ANO5: variants seen among roughly 807,000 people sequenced by gnomAD.
ANO5 encodes the protein anoctamin 5, also known as anoctamin-5.
Under a neutral mutation model 121.0 loss-of-function variants are expected in ANO5, and 109 were observed. That is an observed-to-expected ratio of 0.90 (90% CI 0.77 to 1.06). The LOEUF is 1.06. Ranked by LOEUF, ANO5 falls within the 50% of genes least tolerant of loss-of-function variation. The pLI, the probability that ANO5 is intolerant of heterozygous loss-of-function variation, is 0.00. For synonymous variants in ANO5, 406 were observed against 359.9 expected (o/e 1.13, Z -1.45); for missense variants, 1,064 against 1,078.5 (o/e 0.99, Z 0.19).
rs796172838 is a variant in ANO5 at position 22,276,161 on chromosome 11, G to T, written c.2482G>T (p.Val828Phe). 6.2e-7 allele frequency: 1 copy of T among 1,611,270 alleles called. No individual in the cohort carries two copies. The highest frequency in any genetic ancestry group is 1.7e-5 in the Admixed American group (1 of 59,844). Residue 828 changes from valine to phenylalanine, a missense_variant, in exon 21 of 22, where the codon GTC becomes TTC. Val to Phe is a conservative substitution (Grantham distance 50). Coordinates refer to ENST00000324559, the MANE Select transcript of ANO5 (RefSeq NM_213599.3). ...TTTTCATAATATGCAATTCTGGCATGTCCTTGCTGCCAAGATGACCTTCAT... is the reference window on the plus strand; with the variant it reads ...TTTTCATAATATGCAATTCTGGCATTTCCTTGCTGCCAAGATGACCTTCAT... ...KYFHNMQFWH[V>F]LAAKMTFIIV...
At chr11:22,218,140 C>CACACACACACACACACACACAA in intron 3 of ANO5, 106 bp from the exon 4 acceptor site, 1 of 1,245,366 alleles carries the variant, frequency 8.0e-7, no homozygotes, top group Non-Finnish European at 1.2e-6. Context: ...CACACACACA[C>CACACACACACACACACACACAA]TTATAAAATG....
chr11:22,240,405 T>G (rs558363481), intron 9 of ANO5, among the ~76,000 whole-genome samples: 1 of 152,208 alleles, frequency 6.6e-6, no homozygotes, highest in East Asian at 1.9e-4. Flanking sequence ...TGATTTATAC[T>G]TGCATTGCTA....
At chr11:22,255,692 T>C (rs980157792) in intron 13 of ANO5, among the ~76,000 whole-genome samples, 170 bp downstream of exon 13, 3 of 152,104 alleles carry the variant, frequency 2.0e-5, no homozygotes, top group African/African-American at 7.2e-5. Flanking sequence ...AATGTATATA[T>C]AGAATGTATA....
intron 9 of ANO5, among the ~76,000 whole-genome samples, chr11:22,248,705 G>A (rs968499212): frequency 6.6e-5 from 10 of 151,804 alleles, no homozygotes; most frequent in Admixed American, 2.0e-4. Context: ...TGTTTTTTAT[G>A]CTCAAGGAAT....
intron 2 of ANO5, among the ~76,000 whole-genome samples, chr11:22,207,338 A>C (rs764115836): frequency 2.5e-4 from 38 of 152,134 alleles, no homozygotes; most frequent in Non-Finnish European, 5.1e-4. Flanking sequence ...TATTTGGAGA[A>C]GGATAGGCAT....
chr11:22,227,733 G>A (rs1233895548), intron 7 of ANO5, 147 bp downstream of exon 7: 1 of 1,006,474 alleles, frequency 9.9e-7, no homozygotes, highest in South Asian at 1.5e-5. Context: ...GAGTTTGAAA[G>A]TCTAATTAGA....
chr11:22,235,254 AAG>A (rs914298885), intron 7 of ANO5, among the ~76,000 whole-genome samples: 5 of 152,062 alleles, frequency 3.3e-5, no homozygotes, highest in Non-Finnish European at 5.9e-5. Context: ...TTAACATCCC[AAG>A]AGAGAGTTCT....
chr11:22,211,323 C>G lies in ANO5; in HGVS notation c.138+9C>G, dbSNP rs535319996. 1 of 1,611,256 alleles carries G rather than the reference C, an allele frequency of 6.2e-7. No homozygotes were observed. The highest frequency in any genetic ancestry group is 1.3e-5 in the African/African-American group (1 of 74,904). On this transcript the variant is annotated intron_variant, in intron 3 of 21. Coordinates refer to ENST00000324559, the MANE Select transcript of ANO5 (RefSeq NM_213599.3). Reference sequence around the variant, plus strand: ...TCAATGAAGAAACAATGGTAAGCAGCGACCAGTACTATCCTTTCTTGCATG... The same window carrying G: ...TCAATGAAGAAACAATGGTAAGCAGGGACCAGTACTATCCTTTCTTGCATG...
intron 12 of ANO5, among the ~76,000 whole-genome samples, chr11:22,255,107 A>G (rs1309247695): frequency 1.3e-5 from 2 of 152,200 alleles, no homozygotes; most frequent in Admixed American, 6.5e-5. Context: ...GAATGAAGAA[A>G]TATATTAATA....
intron 14 of ANO5, among the ~76,000 whole-genome samples, chr11:22,258,524 C>G (rs535992602): frequency 2.0e-5 from 3 of 152,224 alleles, no homozygotes; most frequent in Non-Finnish European, 4.4e-5. Flanking sequence ...ATAAAATTCT[C>G]TAATGATTGA....
chr11:22,259,211 G>A lies in ANO5; in HGVS notation c.1408-308G>A, dbSNP rs572080645. Among the ~76,000 whole-genome samples, 9 of 152,012 alleles carry A rather than the reference G, an allele frequency of 5.9e-5. No homozygotes were observed. In the South Asian group the frequency reaches 6.2e-4, roughly 11 times the overall value. The stretch of plus-strand genomic sequence containing the variant: ...ACCAGATAAGATCAGGCAAGGCCAC[G>A]GGCAGGATTTGGCTTTCTACTATAG... On this transcript the variant is annotated intron_variant, in intron 14 of 21. Transcript: ENST00000324559.
At chr11:22,205,163 A>G (rs72979924) in intron 2 of ANO5, among the ~76,000 whole-genome samples, 4,548 of 152,212 alleles carry the variant, frequency 0.03, 95 homozygotes, top group Non-Finnish European at 0.048. Flanking sequence ...ACACAGATAC[A>G]TAGAGGGAAA....
intron 9 of ANO5, among the ~76,000 whole-genome samples, chr11:22,244,702 C>T (rs1242035059): frequency 1.3e-5 from 2 of 151,718 alleles, no homozygotes; most frequent in Middle Eastern, 3.4e-3. Context: ...TTATAAAATC[C>T]TTGTAGTGAT....
intron 4 of ANO5, among the ~76,000 whole-genome samples, chr11:22,219,692 G>C (rs1157366503): frequency 2.0e-5 from 3 of 151,900 alleles, no homozygotes; most frequent in Non-Finnish European, 4.4e-5. Flanking sequence ...CCAATGATTT[G>C]TTTGGGTTTT....
chr11:22,209,125 A>G (rs1190253440), intron 2 of ANO5, among the ~76,000 whole-genome samples: 2 of 151,964 alleles, frequency 1.3e-5, no homozygotes, highest in East Asian at 1.9e-4. Context: ...AAATTATTTT[A>G]TGTTTGAAAA....
chr11:22,261,833 A>C (rs1239558388), intron 15 of ANO5, among the ~76,000 whole-genome samples: 4 of 152,148 alleles, frequency 2.6e-5, no homozygotes, highest in African/African-American at 9.7e-5. Flanking sequence ...GTGCCAAACC[A>C]TATCATGTGG....
At chr11:22,273,615 T>C (rs1854711931) in intron 19 of ANO5, among the ~76,000 whole-genome samples, 1 of 152,068 alleles carries the variant, frequency 6.6e-6, no homozygotes, top group Non-Finnish European at 1.5e-5. Context: ...GAAAATAAGC[T>C]GAGTATATAA....
intron 21 of ANO5, among the ~76,000 whole-genome samples, chr11:22,276,781 T>G (rs948690317): frequency 6.6e-6 from 1 of 151,276 alleles, no homozygotes; most frequent in Non-Finnish European, 1.5e-5. Context: ...GGGCAAAGTT[T>G]CAAATTGAGT....
At chr11:22,221,010 G>A in intron 4 of ANO5, 87 bp from the exon 5 acceptor site, 1 of 968,200 alleles carries the variant, frequency 1.0e-6, no homozygotes, top group Non-Finnish European at 1.6e-6. Context: ...GTCTTGATTT[G>A]ACTAAATTAT....
Sources: allele counts gnomAD v4.1 joint callset (sites outside exome capture counted in the v4.1 genomes callset), GRCh38; gene constraint gnomAD v4.1.1; transcripts MANE v1.5; gene names NCBI Gene and HGNC (gene_info 2026-07-23, HGNC 2026-07-21).